Variants in MIPEP observed in about 807,000 individuals in gnomAD.
MIPEP encodes the protein mitochondrial intermediate peptidase.
A neutral mutation model predicts 90.3 loss-of-function variants in MIPEP; 79 were observed. The observed-to-expected ratio is 0.87, with a 90% CI of 0.73 to 1.05. The LOEUF is 1.05. Among genes scored for constraint, MIPEP ranks in the 50% least tolerant of loss-of-function variants. MIPEP has a pLI of 0.00. For missense variants in MIPEP, 940 were observed against 905.6 expected, an observed-to-expected ratio of 1.04 and a Z score of -0.49; for synonymous variants, 334 against 315.8, an observed-to-expected ratio of 1.06 and a Z score of -0.61.
At chr13:23,803,906 C>T (rs539714072) in intron 16 of MIPEP, among the ~76,000 whole-genome samples, 2 of 128,568 alleles carry the variant, frequency 1.6e-5, no homozygotes, top group Non-Finnish European at 3.6e-5. Context: ...TTTCTCTAAA[C>T]ATAGCTATGC....
At chr13:23,833,655 G>C (rs1285554930) in intron 14 of MIPEP, among the ~76,000 whole-genome samples, 3 of 152,012 alleles carry the variant, frequency 2.0e-5, no homozygotes, top group South Asian at 2.1e-4. Context: ...TTTGCTCCTG[G>C]TTGTTCTATA....
intron 11 of MIPEP, among the ~76,000 whole-genome samples, chr13:23,840,954 T>A (rs913438585): frequency 7.2e-5 from 11 of 151,976 alleles, no homozygotes; most frequent in Admixed American, 5.2e-4. Flanking sequence ...CAACATGGGA[T>A]GGGGGTTGGA....
chr13:23,776,693 A>C (rs1396013885), intron 16 of MIPEP, among the ~76,000 whole-genome samples: 1 of 152,208 alleles, frequency 6.6e-6, no homozygotes, highest in Non-Finnish European at 1.5e-5. Context: ...TTTATGGTTG[A>C]CTTGGGAAAG....
intron 16 of MIPEP, among the ~76,000 whole-genome samples, chr13:23,804,953 C>G (rs1953090102): frequency 6.6e-6 from 1 of 152,264 alleles, no homozygotes. Flanking sequence ...TCAAACCATT[C>G]AGTCTGGGGG....
chr13:23,835,237 T>C (rs933767341), intron 14 of MIPEP, among the ~76,000 whole-genome samples: 1 of 151,878 alleles, frequency 6.6e-6, no homozygotes, highest in Non-Finnish European at 1.5e-5. Flanking sequence ...CCCAGGCTGG[T>C]CTCGAACTCC....
chr13:23,757,470 A>C (rs370630651), intron 17 of MIPEP, among the ~76,000 whole-genome samples: 8 of 152,282 alleles, frequency 5.3e-5, no homozygotes, highest in African/African-American at 1.9e-4. Context: ...CTCTATAAAA[A>C]TAGTTTTGTG....
At chr13:23,772,210 T>C (rs1451673604) in intron 16 of MIPEP, among the ~76,000 whole-genome samples, 7 of 152,168 alleles carry the variant, frequency 4.6e-5, no homozygotes, top group Non-Finnish European at 8.8e-5. Flanking sequence ...GCCACCGAAA[T>C]GACTAAGGCT....
At chr13:23,854,099 G>C (rs1355672054) in intron 10 of MIPEP, among the ~76,000 whole-genome samples, 1 of 151,596 alleles carries the variant, frequency 6.6e-6, no homozygotes, top group Non-Finnish European at 1.5e-5. Context: ...GCCGAGGTGG[G>C]CGGATCACAA....
chr13:23,805,137 G>T (rs1042208135), intron 16 of MIPEP, among the ~76,000 whole-genome samples: 1 of 152,158 alleles, frequency 6.6e-6, no homozygotes, highest in African/African-American at 2.4e-5. Context: ...GTTTAAGTCC[G>T]TGTGAACCAC....
chr13:23,739,255 C>T (rs1565977626), intron 18 of MIPEP, among the ~76,000 whole-genome samples: 3 of 152,262 alleles, frequency 2.0e-5, no homozygotes, highest in South Asian at 2.1e-4. Flanking sequence ...GAGAAAGGGA[C>T]GTGGTGTCAG....
intron 13 of MIPEP, 55 bp from the exon 14 acceptor site, chr13:23,836,404 C>CT: frequency 9.8e-7 from 1 of 1,015,782 alleles, no homozygotes; most frequent in African/African-American, 1.7e-5. Flanking sequence ...TATTTATCTA[C>CT]TTTTTGTGTG....
intron 16 of MIPEP, among the ~76,000 whole-genome samples, chr13:23,785,635 A>G (rs1565993468): frequency 6.6e-6 from 1 of 151,888 alleles, no homozygotes; most frequent in African/African-American, 2.4e-5. Context: ...AAAAAAAAAA[A>G]AAAGAAAAAA....
At chr13:23,767,823 G>T (rs1952606606) in intron 16 of MIPEP, among the ~76,000 whole-genome samples, 1 of 151,936 alleles carries the variant, frequency 6.6e-6, no homozygotes, top group African/African-American at 2.4e-5. Flanking sequence ...GACTTGAAAA[G>T]AGCGATTTGC....
Position 23,730,224 on chromosome 13 carries a change from G to C in MIPEP, c.*124C>G. On this transcript the variant is annotated 3_prime_UTR_variant, in exon 19 of 19. Coordinates refer to ENST00000382172, the MANE Select transcript of MIPEP (RefSeq NM_005932.4). Reference sequence around the variant, plus strand: ...AAATTATTTATTCCAAGTTCTACCAGTTTAAAGTTTTTCAGAATTACAGAA... The same window carrying C: ...AAATTATTTATTCCAAGTTCTACCACTTTAAAGTTTTTCAGAATTACAGAA... The C allele has an allele frequency of 3.0e-6, 2 of 660,592 alleles. No individual in the cohort carries two copies. Among genetic ancestry groups the C allele is most frequent in the Non-Finnish European group, 5.3e-6 (2 of 378,256 alleles). 40.9% of individuals were successfully genotyped at this position (660,592 alleles called of 1,614,324 possible). A position where few individuals can be genotyped will look rare whatever the true frequency, so the allele number is the denominator to read the frequency against.
chr13:23,813,549 TATATAC>T (rs1953199095), intron 14 of MIPEP, among the ~76,000 whole-genome samples: 1 of 152,202 alleles, frequency 6.6e-6, no homozygotes, highest in Non-Finnish European at 1.5e-5. Context: ...TCCCCAAATA[TATATAC>T]ATATAAATAC....
At position 23,874,959 on chromosome 13, in the gene MIPEP, C is replaced by T. The variant is rs370364352; in HGVS notation, c.540-50G>A. 6.6e-6 allele frequency: 10 copies of T among 1,510,296 alleles called. No individual in the cohort carries two copies. In the African/African-American group the frequency reaches 1.3e-4, roughly 20 times the overall value. 93.6% of individuals were successfully genotyped at this position (1,510,296 alleles called of 1,614,324 possible). On this transcript the variant is annotated intron_variant, in intron 4 of 18. Transcript: ENST00000382172. ...TATAACAGGTAATAAAAATTGCTAACAAAAAAATTGTGGTTTTTTGTTAAA... is the reference window on the plus strand; with the variant it reads ...TATAACAGGTAATAAAAATTGCTAATAAAAAAATTGTGGTTTTTTGTTAAA...
At chr13:23,831,064 A>T (rs1868713814) in intron 14 of MIPEP, among the ~76,000 whole-genome samples, 1 of 152,154 alleles carries the variant, frequency 6.6e-6, no homozygotes, top group Non-Finnish European at 1.5e-5. Context: ...GGGTGGGGCA[A>T]CCAAGCATCT....
chr13:23,733,771 G>T (rs2147661), intron 18 of MIPEP, among the ~76,000 whole-genome samples: 151,240 of 152,348 alleles, frequency 0.99, 75,090 homozygotes, highest in Middle Eastern at 1. Flanking sequence ...ATTTTCACTG[G>T]CTATCTAATG....
intron 3 of MIPEP, among the ~76,000 whole-genome samples, chr13:23,881,008 C>T (rs1191367023): frequency 5.3e-5 from 8 of 152,230 alleles, no homozygotes; most frequent in Non-Finnish European, 1.2e-4. Context: ...TGTTGGAATA[C>T]AGCGCTGTCC....
Sources: gnomAD v4.1 joint callset for allele counts (sites outside exome capture counted in the v4.1 genomes callset) on GRCh38, gnomAD v4.1.1 for gene constraint, MANE v1.5 for transcripts, NCBI Gene and HGNC (gene_info 2026-07-23, HGNC 2026-07-21) for gene names.